Variants in FAM107B observed in about 807,000 individuals in gnomAD.
FAM107B encodes the protein family with sequence similarity 107 member B.
In FAM107B, 21 loss-of-function variants were observed where a neutral mutation model predicts 31.5. That is an observed-to-expected ratio of 0.67 (90% CI 0.47 to 0.96). The LOEUF is 0.96. Among genes scored for constraint, FAM107B ranks in the 40% least tolerant of loss-of-function variants. FAM107B has a pLI of 0.00. For missense variants in FAM107B, 452 were observed against 377.1 expected (o/e 1.20, Z -1.64); for synonymous variants, 157 against 141.5 (o/e 1.11, Z -0.78).
intron 2 of FAM107B, among the ~76,000 whole-genome samples, chr10:14,593,419 G>A (rs1852082295): frequency 6.6e-6 from 1 of 152,096 alleles, no homozygotes; most frequent in African/African-American, 2.4e-5. Flanking sequence ...ACTGCTGGCC[G>A]GGCGCAGTGG....
chr10:14,556,666 G>C (rs545158016), intron 2 of FAM107B, among the ~76,000 whole-genome samples: 2 of 152,386 alleles, frequency 1.3e-5, no homozygotes, highest in African/African-American at 4.8e-5. Flanking sequence ...CAAAGATTTA[G>C]AAGGCCACCT....
intron 2 of FAM107B, among the ~76,000 whole-genome samples, chr10:14,537,740 CAGG>C (rs1200855222): frequency 4.0e-5 from 6 of 149,062 alleles, no homozygotes; most frequent in Non-Finnish European, 8.9e-5. Context: ...GAGGCTGAGG[CAGG>C]AGAATAGCTT....
chr10:14,589,161 C>A (rs1851937657), intron 2 of FAM107B, among the ~76,000 whole-genome samples: 1 of 148,898 alleles, frequency 6.7e-6, no homozygotes, highest in Non-Finnish European at 1.5e-5. Flanking sequence ...AGGTGACACA[C>A]CGAGACTGTC....
intron 2 of FAM107B, among the ~76,000 whole-genome samples, chr10:14,640,030 A>C (rs920429916): frequency 6.6e-6 from 1 of 152,222 alleles, no homozygotes; most frequent in East Asian, 1.9e-4. Flanking sequence ...AACATCTCTC[A>C]GAGATCCCAT....
chr10:14,532,146 G>A (rs747973188), intron 2 of FAM107B, among the ~76,000 whole-genome samples: 10 of 152,140 alleles, frequency 6.6e-5, no homozygotes, highest in Non-Finnish European at 1.5e-4. Flanking sequence ...TTCTCAGCAC[G>A]GTGCTCGCTG....
intron 1 of FAM107B, among the ~76,000 whole-genome samples, chr10:14,692,677 GATGATAA>G (rs1855168981): frequency 6.6e-6 from 1 of 152,144 alleles, no homozygotes; most frequent in Non-Finnish European, 1.5e-5. Context: ...TGTCGATTTG[GATGATAA>G]ATTGTCACTC....
At chr10:14,617,518 T>C (rs1426086969) in intron 2 of FAM107B, among the ~76,000 whole-genome samples, 2 of 152,206 alleles carry the variant, frequency 1.3e-5, no homozygotes, top group Non-Finnish European at 2.9e-5. Context: ...TTCTGGCATC[T>C]GAAGCTTAAG....
intron 1 of FAM107B, among the ~76,000 whole-genome samples, chr10:14,764,000 T>G (rs1833111865): frequency 6.6e-6 from 1 of 152,266 alleles, no homozygotes; most frequent in Non-Finnish European, 1.5e-5. Context: ...GGTCAGGAAT[T>G]CCTGGTGGCC....
At chr10:14,625,852 G>A (rs1340256689) in intron 2 of FAM107B, among the ~76,000 whole-genome samples, 1 of 108,638 alleles carries the variant, frequency 9.2e-6, no homozygotes, top group Non-Finnish European at 1.8e-5. Flanking sequence ...CGACCTCCAT[G>A]CAGCTGCTCA....
intron 2 of FAM107B, among the ~76,000 whole-genome samples, chr10:14,562,034 C>T (rs1447274647): frequency 1.3e-5 from 2 of 152,168 alleles, no homozygotes; most frequent in African/African-American, 2.4e-5. Context: ...GATCCACCCG[C>T]CTTGGCCTCC....
At chr10:14,535,463 A>G (rs920715606) in intron 2 of FAM107B, among the ~76,000 whole-genome samples, 4 of 152,210 alleles carry the variant, frequency 2.6e-5, no homozygotes, top group South Asian at 2.1e-4. Context: ...AGGAAACTCT[A>G]CTTCTCTGGG....
intron 1 of FAM107B, among the ~76,000 whole-genome samples, chr10:14,732,341 G>C (rs767092837): frequency 6.6e-5 from 10 of 152,158 alleles, no homozygotes; most frequent in Non-Finnish European, 1.3e-4. Context: ...TAATCAACTT[G>C]TCAGGGAGGC....
chr10:14,604,130 G>GCCGC lies in FAM107B; in HGVS notation c.469+63500_469+63503dup, dbSNP rs900557535. On this transcript the variant is annotated intron_variant, in intron 2 of 4. Coordinates refer to ENST00000181796, the MANE Select transcript of FAM107B (RefSeq NM_031453.4). ...CGCACGGGGACCCCCCACCCGCCCG[G>GCCGC]CCGCCCGCCCGCCGAGAGGGTCCCC... 11 of 641,342 alleles carry GCCGC rather than the reference G, an allele frequency of 1.7e-5. No homozygotes were observed. The African/African-American group carries it at 1.8e-4, about 10-fold the overall frequency. The allele number at this position is 641,342 out of a possible 1,614,324, so 39.7% of individuals were successfully genotyped here.
At chr10:14,659,439 T>TCAAAACAAAACAAAACAAAA (rs59778625) in intron 2 of FAM107B, among the ~76,000 whole-genome samples, 2 of 150,352 alleles carry the variant, frequency 1.3e-5, no homozygotes, top group Non-Finnish European at 1.5e-5. Flanking sequence ...AAACTCCGTC[T>TCAAAACAAAACAAAACAAAA]CAAAACAAAA....
At chr10:14,770,177 C>T (rs1220928644) in intron 1 of FAM107B, among the ~76,000 whole-genome samples, 1 of 152,164 alleles carries the variant, frequency 6.6e-6, no homozygotes, top group African/African-American at 2.4e-5. Context: ...AGTGTTTCCC[C>T]AGGGCTAATG....
chr10:14,626,707 G>T (rs1394355523), intron 2 of FAM107B, among the ~76,000 whole-genome samples: 3 of 152,024 alleles, frequency 2.0e-5, no homozygotes, highest in African/African-American at 2.4e-5. Flanking sequence ...GTTTCACCGT[G>T]TTAGCCAGGA....
chr10:14,565,178 AGTAAAACT>A (rs1850557811), intron 2 of FAM107B, among the ~76,000 whole-genome samples: 1 of 152,244 alleles, frequency 6.6e-6, no homozygotes, highest in South Asian at 2.1e-4. Context: ...AGGATAAAGC[AGTAAAACT>A]CCCTGCCTCG....
intron 1 of FAM107B, among the ~76,000 whole-genome samples, chr10:14,699,440 G>A (rs912851535): frequency 1.3e-5 from 2 of 152,110 alleles, no homozygotes; most frequent in African/African-American, 4.8e-5. Flanking sequence ...TGTAAGTCCG[G>A]GTCCAAGCCC....
rs994414071 is a variant in FAM107B at position 14,521,399 on chromosome 10, T to A, written c.805-93A>T. 3.0e-6 allele frequency: 3 copies of A among 995,520 alleles called. No individual in the cohort carries two copies. In the East Asian group the frequency reaches 7.2e-5, roughly 24 times the overall value. The allele number at this position is 995,520 out of a possible 1,614,324, so 61.7% of individuals were successfully genotyped here. A position where few individuals can be genotyped will look rare whatever the true frequency, so the allele number is the denominator to read the frequency against. On this transcript the variant is annotated intron_variant, in intron 4 of 4. Transcript: ENST00000181796. ...TTTTCAAAGTCCCTGACAACTTTAC[T>A]TCCCCACAGAATAAATTCTCTCCTG...
Sources: allele counts gnomAD v4.1 joint callset (sites outside exome capture counted in the v4.1 genomes callset), GRCh38; gene constraint gnomAD v4.1.1; transcripts MANE v1.5; gene names NCBI Gene and HGNC (gene_info 2026-07-23, HGNC 2026-07-21).